Variants in ITGB2 observed in about 807,000 individuals in gnomAD.
The protein encoded by ITGB2 is integrin subunit beta 2, also known as integrin beta-2.
A neutral mutation model predicts 86.8 loss-of-function variants in ITGB2; 56 were observed. The observed-to-expected ratio is 0.65, with a 90% CI of 0.52 to 0.81. The LOEUF is 0.81. Ranked by LOEUF, ITGB2 falls within the 30% of genes least tolerant of loss-of-function variation. The pLI is 0.00. For synonymous variants in ITGB2, 457 were observed against 450.4 expected, an observed-to-expected ratio of 1.01 and a Z score of -0.19; for missense variants, 948 against 1,061.2, an observed-to-expected ratio of 0.89 and a Z score of 1.48.
At chr21:44,895,883 T>TGAAATGAAATGAAATG (rs1555855779) in intron 8 of ITGB2, among the ~76,000 whole-genome samples, 1 of 127,530 alleles carries the variant, frequency 7.8e-6, no homozygotes, top group Non-Finnish European at 1.6e-5. Context: ...AATAAAAAAA[T>TGAAATGAAATGAAATG]AAATAAAATA....
chr21:44,913,996 C>T (rs905655773), intron 1 of ITGB2, among the ~76,000 whole-genome samples: 19 of 152,114 alleles, frequency 1.2e-4, no homozygotes, highest in African/African-American at 4.6e-4. Context: ...AGACACCCCC[C>T]ACCCCAGCCC....
At chr21:44,902,891 G>A (rs139268315) in intron 5 of ITGB2, among the ~76,000 whole-genome samples, 36 of 152,320 alleles carry the variant, frequency 2.4e-4, no homozygotes, top group African/African-American at 8.4e-4. Context: ...AGCCACGGCC[G>A]GCGGGGAAGA....
chr21:44,909,016 C>G (rs2084087861), intron 3 of ITGB2, among the ~76,000 whole-genome samples: 1 of 152,226 alleles, frequency 6.6e-6, no homozygotes, highest in African/African-American at 2.4e-5. Flanking sequence ...GAAGGAGAGA[C>G]CCTTCCTTAG....
intron 1 of ITGB2, among the ~76,000 whole-genome samples, chr21:44,915,665 T>C (rs2838737): frequency 0.8 from 121,573 of 152,084 alleles, 49,020 homozygotes; most frequent in South Asian, 0.91. Context: ...TTTGTAGGAA[T>C]GTGATAAAGA....
intron 5 of ITGB2, among the ~76,000 whole-genome samples, chr21:44,902,659 G>A (rs111306872): frequency 1.6e-3 from 247 of 151,370 alleles, no homozygotes; most frequent in African/African-American, 5.5e-3. Flanking sequence ...GTGTGCATTC[G>A]CATGTGTGAG....
rs1278726245 is a variant in ITGB2 at position 44,907,952 on chromosome 21, A to G, written c.148-857T>C. 2.0e-5 allele frequency: 13 copies of G among 637,310 alleles called. No individual in the cohort carries two copies. In the Admixed American group the frequency reaches 3.4e-4, roughly 17 times the overall value. 39.5% of individuals were successfully genotyped at this position (637,310 alleles called of 1,614,324 possible). ...CAAGTATCCCAGCAAGAGAGAAAAG[A>G]AAGCCTAAATGTAATCCACACAGAA... On this transcript the variant is annotated intron_variant, in intron 3 of 15. Transcript: ENST00000652462.
chr21:44,889,288 C>T lies in ITGB2; in HGVS notation c.1865G>A (p.Cys622Tyr). ...CGCCTGCACTCACATGTACTTGCCA[C>T]AGGGTGAGGGGCAGCCGGGGCACTC... is the stretch of plus-strand genomic sequence containing the variant. Reference protein sequence around the residue: ...CQECPGCPSPCGKYISCAECL... With the variant: ...CQECPGCPSPYGKYISCAECL... The change falls in exon 13 of 16, where the codon TGT becomes TAT. Residue 622 changes from cysteine to tyrosine, a missense_variant. Coordinates refer to ENST00000652462, the MANE Select transcript of ITGB2 (RefSeq NM_000211.5). 1 of 1,612,764 alleles carries T rather than the reference C, an allele frequency of 6.2e-7. No homozygotes were observed. The highest frequency in any genetic ancestry group is 8.5e-7 in the Non-Finnish European group (1 of 1,179,838).
At chr21:44,923,710 G>A (rs536271562), upstream of ITGB2, among the ~76,000 whole-genome samples, 1 of 152,162 alleles carries the variant, frequency 6.6e-6, no homozygotes, top group Non-Finnish European at 1.5e-5. Context: ...TGGTGGTGAT[G>A]GTTGCACAGT....
chr21:44,905,026 T>TGCGGCGGG (rs905434315), intron 4 of ITGB2, among the ~76,000 whole-genome samples: 1 of 152,208 alleles, frequency 6.6e-6, no homozygotes, highest in African/African-American at 2.4e-5. Context: ...TTGGGGGCCG[T>TGCGGCGGG]GCGGCGTCTG....
chr21:44,910,883 G>C, intron 1 of ITGB2, 98 bp from the exon 2 acceptor site: 1 of 1,265,270 alleles, frequency 7.9e-7, no homozygotes. Flanking sequence ...CAAGGAGCTG[G>C]GGCCCTGTCC....
intron 3 of ITGB2, among the ~76,000 whole-genome samples, chr21:44,907,466 G>T (rs1035809963): frequency 5.3e-5 from 8 of 152,374 alleles, no homozygotes; most frequent in African/African-American, 1.9e-4. Context: ...CAAGGGAGTT[G>T]CTGTGTCCCA....
In ITGB2 at chr21:44,886,147, C is replaced by T. The variant is rs1217651706; in HGVS notation, c.*221G>A. The T allele has an allele frequency of 1.7e-6, 1 of 600,466 alleles. No homozygotes were observed. The highest frequency in any genetic ancestry group is 3.0e-6 in the Non-Finnish European group (1 of 333,486). 37.2% of individuals were successfully genotyped at this position (600,466 alleles called of 1,614,324 possible). Reference sequence around the variant, plus strand: ...ACCTCACCAACCTCAAGCCCTCCCTCCTCAAGTCTCCATGCAAAGACTGTG... The same window carrying T: ...ACCTCACCAACCTCAAGCCCTCCCTTCTCAAGTCTCCATGCAAAGACTGTG... On this transcript the variant is annotated 3_prime_UTR_variant, in exon 16 of 16. Transcript: ENST00000652462.
chr21:44,886,802 G>C lies in ITGB2; in HGVS notation c.2181C>G (p.Ile727Met). 6.2e-7 allele frequency: 1 copy of C among 1,613,926 alleles called. No homozygotes were observed. Among genetic ancestry groups the C allele is most frequent in the East Asian group, 2.2e-5 (1 of 44,880 alleles). Residue 727 changes from isoleucine (I) to methionine (M), a missense_variant, in exon 15 of 16, where the codon ATC (isoleucine) becomes ATG (methionine). Physicochemically the swap from Ile to Met is conservative, Grantham distance 10. Coordinates refer to ENST00000652462, the MANE Select transcript of ITGB2 (RefSeq NM_000211.5). Reference sequence around the variant, plus strand: ...TGTACTCCCGGAGGTCGCTCAGGTGGATCAGAGCCTTCCAGATGACCAGCA... The same window carrying C: ...TGTACTCCCGGAGGTCGCTCAGGTGCATCAGAGCCTTCCAGATGACCAGCA... ...ILLLVIWKAL[I>M]HLSDLREYRR... is the part of the protein sequence containing the mutation.
In ITGB2 at chr21:44,910,834, G is replaced by A. The variant is rs764624335; in HGVS notation, c.-3-49C>T. The A allele has an allele frequency of 6.4e-6, 10 of 1,566,522 alleles. No homozygotes were observed. The Admixed American group carries it at 1.8e-4, about 28-fold the overall frequency. Reference sequence around the variant, plus strand: ...GACGGTCTCAGGCCCAACCCCTGGGGCTGACCACCCATGAAGCTCCCCTCC... The same window carrying A: ...GACGGTCTCAGGCCCAACCCCTGGGACTGACCACCCATGAAGCTCCCCTCC... On this transcript the variant is annotated intron_variant, in intron 1 of 15. Transcript: ENST00000652462.
At chr21:44,912,431 G>A (rs1407361956) in intron 1 of ITGB2, among the ~76,000 whole-genome samples, 1 of 152,218 alleles carries the variant, frequency 6.6e-6, no homozygotes, top group Non-Finnish European at 1.5e-5. Context: ...GCCCCAACAA[G>A]CCCCAAGGTC....
intron 1 of ITGB2, among the ~76,000 whole-genome samples, chr21:44,913,118 C>T (rs1464516529): frequency 4.2e-5 from 6 of 142,674 alleles, no homozygotes; most frequent in Non-Finnish European, 7.7e-5. Flanking sequence ...AGGGTCCAGC[C>T]GGCTTCAGGA....
At chr21:44,924,773 T>C (rs2838740), upstream of ITGB2, among the ~76,000 whole-genome samples, 87,266 of 152,004 alleles carry the variant, frequency 0.57, 27,417 homozygotes, top group African/African-American at 0.84. Context: ...TACGGGGTAA[T>C]GAATAAGAGC....
At chr21:44,895,707 G>T (rs1398130646) in intron 8 of ITGB2, among the ~76,000 whole-genome samples, 1 of 151,308 alleles carries the variant, frequency 6.6e-6, no homozygotes, top group African/African-American at 2.4e-5. Flanking sequence ...TGGGCGTGGT[G>T]GTGGGCACCT....
intron 1 of ITGB2, chr21:44,928,483 G>C (rs888474746): frequency 2.0e-5 from 3 of 152,476 alleles, no homozygotes; most frequent in Admixed American, 6.5e-5. Flanking sequence ...TGGTGGGGCA[G>C]TGGGAGATAA....
Sources: gnomAD v4.1 joint callset for allele counts (sites outside exome capture counted in the v4.1 genomes callset) on GRCh38, gnomAD v4.1.1 for gene constraint, MANE v1.5 for transcripts, NCBI Gene and HGNC (gene_info 2026-07-23, HGNC 2026-07-21) for gene names.